FAM200B: variants seen among roughly 807,000 people sequenced by gnomAD.
FAM200B encodes the protein zinc finger BED-type containing 11.
FAM200B carries 32 observed loss-of-function variants against 33.1 expected under a neutral mutation model. The ratio of observed to expected loss-of-function variants is 0.97; its 90% CI spans 0.73 to 1.30. The LOEUF is 1.30. Among genes scored for constraint, FAM200B ranks in the 50% most tolerant of loss-of-function variants. The pLI is 0.00. For synonymous variants in FAM200B, 240 were observed against 264.8 expected (o/e 0.91, Z 0.91); for missense variants, 741 against 754.0 (o/e 0.98, Z 0.20).
chr4:15,673,931 G>T, the FAM200B span, among the ~76,000 whole-genome samples: 7 of 152,192 alleles, frequency 4.6e-5, no homozygotes, highest in Admixed American at 1.3e-4. Context: ...ATTGATCAAG[G>T]TTCACTGTCC....
Position 15,686,922 on chromosome 4 carries a change from T to C in FAM200B, c.-56T>C. The C allele has an allele frequency of 1.1e-6, 1 of 924,856 alleles. No homozygotes were observed. The highest frequency in any genetic ancestry group is 1.5e-6 in the Non-Finnish European group (1 of 651,112). The allele number at this position is 924,856 out of a possible 1,614,324, so 57.3% of individuals were successfully genotyped here. A position where few individuals can be genotyped will look rare whatever the true frequency, so the allele number is the denominator to read the frequency against. The stretch of plus-strand genomic sequence containing the variant: ...TAGACTGTATATTTTTTTCTTCTTT[T>C]TTGAGTTAGTGCCAATTATAACATT... On this transcript the variant is annotated 5_prime_UTR_variant, in exon 2 of 2. Transcript: ENST00000422728.
At chr4:15,667,760 T>A in the FAM200B span, among the ~76,000 whole-genome samples, 1 of 152,086 alleles carries the variant, frequency 6.6e-6, no homozygotes, top group South Asian at 2.1e-4. Context: ...CTTCCTGGTA[T>A]AAGATGGTCA....
chr4:15,642,464 G>A, the FAM200B span, among the ~76,000 whole-genome samples: 1 of 151,982 alleles, frequency 6.6e-6, no homozygotes, highest in African/African-American at 2.4e-5. Flanking sequence ...TCGAACTCCT[G>A]ACCTCAAGTG....
the FAM200B span, among the ~76,000 whole-genome samples, chr4:15,652,473 A>T: frequency 2.6e-5 from 4 of 152,192 alleles, no homozygotes; most frequent in Non-Finnish European, 5.9e-5. Context: ...CAAAGGTGAA[A>T]AACCTTTCCA....
the FAM200B span, among the ~76,000 whole-genome samples, chr4:15,673,623 G>A: frequency 6.6e-6 from 1 of 152,146 alleles, no homozygotes; most frequent in Non-Finnish European, 1.5e-5. Context: ...ATCCAAGACT[G>A]TACTGTAATA....
the FAM200B span, among the ~76,000 whole-genome samples, chr4:15,673,508 C>T: frequency 2.6e-5 from 4 of 152,294 alleles, no homozygotes; most frequent in Non-Finnish European, 4.4e-5. Flanking sequence ...ACCACAGACA[C>T]ATAAGACATC....
upstream of FAM200B, among the ~76,000 whole-genome samples, chr4:15,681,025 T>C (rs748454820): frequency 7.3e-5 from 11 of 151,256 alleles, no homozygotes; most frequent in Non-Finnish European, 1.2e-4. Flanking sequence ...TGCACTTATT[T>C]GCACGAACCT....
the FAM200B span, among the ~76,000 whole-genome samples, chr4:15,670,743 A>G: frequency 6.6e-6 from 1 of 151,938 alleles, no homozygotes; most frequent in Non-Finnish European, 1.5e-5. Flanking sequence ...TGCAGGCAGT[A>G]AAATAGCAGC....
chr4:15,676,495 A>G, the FAM200B span, among the ~76,000 whole-genome samples: 2 of 152,254 alleles, frequency 1.3e-5, no homozygotes, highest in Non-Finnish European at 2.9e-5. Context: ...AGATATATCA[A>G]TAAAATGAAA....
the FAM200B span, chr4:15,640,763 A>G: frequency 3.1e-6 from 4 of 1,283,428 alleles, no homozygotes; most frequent in Non-Finnish European, 1.1e-6. Context: ...ATAAATCTAA[A>G]TCACGAAAGA....
chr4:15,638,771 T>A, the FAM200B span: 2 of 903,878 alleles, frequency 2.2e-6, no homozygotes, highest in Admixed American at 5.9e-5. Flanking sequence ...AAATTATTAA[T>A]GGCTCGAATG....
the FAM200B span, among the ~76,000 whole-genome samples, chr4:15,675,874 C>A: frequency 6.6e-6 from 1 of 152,124 alleles, no homozygotes; most frequent in African/African-American, 2.4e-5. Context: ...TGAGCCACCG[C>A]GCCCAGCCAA....
At chr4:15,667,010 C>T in the FAM200B span, among the ~76,000 whole-genome samples, 5 of 152,188 alleles carry the variant, frequency 3.3e-5, no homozygotes, top group East Asian at 5.8e-4. Flanking sequence ...TCAAAATAAT[C>T]GTAATTTTAA....
chr4:15,641,969 G>C, the FAM200B span, among the ~76,000 whole-genome samples: 44 of 151,876 alleles, frequency 2.9e-4, no homozygotes, highest in South Asian at 5.8e-3. Flanking sequence ...AGGAGGTTGC[G>C]GTGAGCCGAG....
upstream of FAM200B, among the ~76,000 whole-genome samples, chr4:15,680,733 G>A (rs1043383230): frequency 4.6e-5 from 7 of 151,936 alleles, no homozygotes; most frequent in African/African-American, 1.7e-4. Flanking sequence ...ATTTGACTGT[G>A]TAATCCTACA....
the FAM200B span, chr4:15,655,219 C>G: frequency 7.0e-7 from 1 of 1,434,314 alleles, no homozygotes; most frequent in Non-Finnish European, 9.3e-7. Flanking sequence ...CGCAGTAGAG[C>G]CCCACCAGCT....
At chr4:15,638,417 A>T in the FAM200B span, 1 of 938,368 alleles carries the variant, frequency 1.1e-6, no homozygotes. Flanking sequence ...CCTAACTTGA[A>T]TTATTCCTCA....
At chr4:15,651,959 C>A in the FAM200B span, among the ~76,000 whole-genome samples, 4 of 152,188 alleles carry the variant, frequency 2.6e-5, no homozygotes, top group Non-Finnish European at 4.4e-5. Context: ...TTTGCTCCCA[C>A]TATACCCTAT....
At chr4:15,659,109 T>C in the FAM200B span, among the ~76,000 whole-genome samples, 1 of 152,100 alleles carries the variant, frequency 6.6e-6, no homozygotes, top group African/African-American at 2.4e-5. Context: ...TGACAAAAAA[T>C]CAGAAGAATG....
Sources: allele counts gnomAD v4.1 joint callset (sites outside exome capture counted in the v4.1 genomes callset), GRCh38; gene constraint gnomAD v4.1.1; transcripts MANE v1.5; gene names NCBI Gene and HGNC (gene_info 2026-07-23, HGNC 2026-07-21).